ACTR3B: variants seen among roughly 807,000 people sequenced by gnomAD.
ACTR3B encodes the protein actin related protein 3B.
In ACTR3B, 8 loss-of-function variants were observed where a neutral mutation model predicts 59.0. That is an observed-to-expected ratio of 0.14 (90% CI 0.08 to 0.24). The LOEUF (loss-of-function observed/expected upper bound fraction) is 0.24, where lower values mean the gene tolerates loss of function less well. Among genes scored for constraint, ACTR3B ranks in the 10% least tolerant of loss-of-function variants. The pLI is 1.00. For synonymous variants in ACTR3B, 148 were observed against 197.9 expected (o/e 0.75, Z 2.12); for missense variants, 245 against 552.3 (o/e 0.44, Z 5.58).
Position 152,759,755 on chromosome 7 carries a change from C to T in ACTR3B, c.-128C>T. On this transcript the variant is annotated 5_prime_UTR_variant, in exon 1 of 12. Transcript: ENST00000256001. ...CGTCACGTGTCGGCCGCCGAGCATCCGGGCTCCCGGCAGCGGCGCTGCGGC... is the reference window on the plus strand; with the variant it reads ...CGTCACGTGTCGGCCGCCGAGCATCTGGGCTCCCGGCAGCGGCGCTGCGGC... 1 of 705,920 alleles carries T rather than the reference C, an allele frequency of 1.4e-6. No homozygotes were observed. The highest frequency in any genetic ancestry group is 1.8e-6 in the Non-Finnish European group (1 of 556,674). The allele number at this position is 705,920 out of a possible 1,614,324, so 43.7% of individuals were successfully genotyped here. A position where few individuals can be genotyped will look rare whatever the true frequency, so the allele number is the denominator to read the frequency against.
intron 1 of ACTR3B, among the ~76,000 whole-genome samples, chr7:152,781,899 T>G (rs2098155318): frequency 6.6e-6 from 1 of 152,032 alleles, no homozygotes; most frequent in Non-Finnish European, 1.5e-5. Flanking sequence ...GGGCTTCACC[T>G]GGGTCTTGCC....
chr7:152,838,919 GT>G (rs1284526337), intron 9 of ACTR3B, among the ~76,000 whole-genome samples: 1 of 152,144 alleles, frequency 6.6e-6, no homozygotes, highest in Non-Finnish European at 1.5e-5. Flanking sequence ...TTATAAGAGG[GT>G]TGTTGTTGGG....
chr7:152,762,538 T>C (rs1361238509), intron 1 of ACTR3B, among the ~76,000 whole-genome samples: 3 of 152,222 alleles, frequency 2.0e-5, no homozygotes, highest in Admixed American at 6.5e-5. Flanking sequence ...TACCCTTTTA[T>C]ATCAAAATAC....
At chr7:152,829,269 C>G (rs1357737857) in intron 9 of ACTR3B, among the ~76,000 whole-genome samples, 6 of 152,092 alleles carry the variant, frequency 3.9e-5, no homozygotes, top group Non-Finnish European at 5.9e-5. Flanking sequence ...TACCCTCTTC[C>G]TAACTGTACT....
chr7:152,773,130 A>G (rs1480386498), intron 1 of ACTR3B, among the ~76,000 whole-genome samples: 2 of 138,144 alleles, frequency 1.4e-5, no homozygotes, highest in Non-Finnish European at 3.2e-5. Flanking sequence ...GGCAACAACA[A>G]GGAATAGTAC....
At chr7:152,803,300 A>T (rs1285584527) in intron 4 of ACTR3B, among the ~76,000 whole-genome samples, 1 of 152,208 alleles carries the variant, frequency 6.6e-6, no homozygotes, top group Non-Finnish European at 1.5e-5. Flanking sequence ...CTCCCACTTT[A>T]GCCTCCCAAA....
At chr7:152,845,203 C>CTA (rs1477199048) in intron 9 of ACTR3B, among the ~76,000 whole-genome samples, 1 of 151,140 alleles carries the variant, frequency 6.6e-6, no homozygotes. Flanking sequence ...ATATAATATA[C>CTA]GTTATAACCT....
At chr7:152,811,446 C>G (rs1795228197) in intron 4 of ACTR3B, 1 of 152,030 alleles carries the variant, frequency 6.6e-6, no homozygotes, top group African/African-American at 2.4e-5. Flanking sequence ...GTCAGTTTGA[C>G]TTCACATCTC....
At chr7:152,785,376 T>TGA (rs1232317531) in intron 2 of ACTR3B, among the ~76,000 whole-genome samples, 252 of 5,312 alleles carry the variant, frequency 0.047, 18 homozygotes, top group Non-Finnish European at 0.061. Context: ...GAGTTTGTTG[T>TGA]GAGGGGGGGG....
intron 1 of ACTR3B, among the ~76,000 whole-genome samples, chr7:152,777,687 G>A (rs1046959378): frequency 1.3e-5 from 2 of 152,150 alleles, no homozygotes; most frequent in African/African-American, 4.8e-5. Context: ...ATGCGCGGTG[G>A]CTCACGCCTG....
intron 1 of ACTR3B, among the ~76,000 whole-genome samples, chr7:152,765,198 A>G (rs534097176): frequency 5.4e-4 from 71 of 131,740 alleles, no homozygotes; most frequent in African/African-American, 1.9e-3. Flanking sequence ...GCTCACCACA[A>G]CCTCCGCCTC....
intron 10 of ACTR3B, among the ~76,000 whole-genome samples, 181 bp downstream of exon 10, chr7:152,852,432 C>T (rs1798890468): frequency 6.6e-6 from 1 of 152,180 alleles, no homozygotes; most frequent in South Asian, 2.1e-4. Flanking sequence ...TCCTTCCAGG[C>T]TGGTAGTTCA....
intron 4 of ACTR3B, among the ~76,000 whole-genome samples, chr7:152,807,491 C>T (rs1366343121): frequency 6.6e-5 from 10 of 151,816 alleles, no homozygotes; most frequent in African/African-American, 2.2e-4. Flanking sequence ...TTTGTGCATA[C>T]AGTTTTTCCT....
At chr7:152,840,518 G>C (rs1797797233) in intron 9 of ACTR3B, among the ~76,000 whole-genome samples, 1 of 151,804 alleles carries the variant, frequency 6.6e-6, no homozygotes, top group East Asian at 2.0e-4. Context: ...GGGAGTGTGA[G>C]GCCTTTGGGC....
At chr7:152,819,232 A>G (rs1795959506) in intron 6 of ACTR3B, among the ~76,000 whole-genome samples, 1 of 152,216 alleles carries the variant, frequency 6.6e-6, no homozygotes. Flanking sequence ...GAAAGAAACC[A>G]TAGGAGGAAT....
intron 1 of ACTR3B, among the ~76,000 whole-genome samples, chr7:152,780,350 C>T (rs2098148340): frequency 1.8e-5 from 1 of 56,448 alleles, no homozygotes; most frequent in Admixed American, 2.1e-4. Context: ...GAAACTCTGT[C>T]TCAAAAAAAA....
intron 6 of ACTR3B, among the ~76,000 whole-genome samples, chr7:152,818,320 T>C (rs1489511736): frequency 6.6e-6 from 1 of 152,202 alleles, no homozygotes; most frequent in Non-Finnish European, 1.5e-5. Flanking sequence ...GTTCAGTTTT[T>C]CCTCCAGCTG....
intron 2 of ACTR3B, among the ~76,000 whole-genome samples, chr7:152,790,114 T>G (rs1458867398): frequency 1.4e-5 from 2 of 143,592 alleles, no homozygotes; most frequent in Non-Finnish European, 3.0e-5. Flanking sequence ...CACCTCAGCC[T>G]CCCAAGTAGC....
chr7:152,825,009 T>G, intron 8 of ACTR3B, 21 bp from the exon 9 acceptor site: 1 of 1,608,380 alleles, frequency 6.2e-7, no homozygotes, highest in South Asian at 1.1e-5. Context: ...AATGTTTCTT[T>G]TATATTGATA....
Sources: gnomAD v4.1 joint callset for allele counts (sites outside exome capture counted in the v4.1 genomes callset) on GRCh38, gnomAD v4.1.1 for gene constraint, MANE v1.5 for transcripts, NCBI Gene and HGNC (gene_info 2026-07-23, HGNC 2026-07-21) for gene names.